Variants in SMYD2 observed in about 807,000 individuals in gnomAD.
SMYD2 encodes the protein N-lysine methyltransferase SMYD2.
Under a neutral mutation model 59.1 loss-of-function variants are expected in SMYD2, and 53 were observed. That is an observed-to-expected ratio of 0.90 (90% confidence interval 0.72 to 1.13). SMYD2 has a LOEUF of 1.13. Ranked by LOEUF, SMYD2 falls within the 50% of genes most tolerant of loss-of-function variation. The pLI is 0.00. For synonymous variants in SMYD2, 208 were observed against 198.8 expected, an observed-to-expected ratio of 1.05 and a Z score of -0.39; for missense variants, 494 against 544.7, an observed-to-expected ratio of 0.91 and a Z score of 0.93.
intron 7 of SMYD2, 21 bp downstream of exon 7, chr1:214,327,745 G>A (rs1182680954): frequency 1.9e-6 from 3 of 1,601,570 alleles, no homozygotes; most frequent in South Asian, 1.1e-5. Context: ...GGCTATGGGT[G>A]GCTGCAGCAG....
At chr1:214,319,130 G>T (rs1657131098) in intron 5 of SMYD2, 147 bp downstream of exon 5, 7 of 1,083,938 alleles carry the variant, frequency 6.5e-6, no homozygotes, top group Non-Finnish European at 9.2e-6. Flanking sequence ...ACCGTGTGTT[G>T]CCATAGCCTT....
chr1:214,305,818 A>T (rs1656907586), intron 2 of SMYD2, among the ~76,000 whole-genome samples: 1 of 152,160 alleles, frequency 6.6e-6, no homozygotes, highest in Non-Finnish European at 1.5e-5. Flanking sequence ...AAATGTAGGG[A>T]TGGGAAGGTT....
intron 6 of SMYD2, among the ~76,000 whole-genome samples, chr1:214,325,773 CT>C (rs59821609): frequency 0.11 from 12,620 of 118,572 alleles, 691 homozygotes; most frequent in Middle Eastern, 0.28. Context: ...AGGAAAGAAG[CT>C]TTTTTTTTTT....
intron 1 of SMYD2, among the ~76,000 whole-genome samples, chr1:214,295,205 A>G (rs1656703966): frequency 6.6e-6 from 1 of 152,232 alleles, no homozygotes; most frequent in African/African-American, 2.4e-5. Flanking sequence ...AAGACAGAGC[A>G]TTTCCAGAGG....
In SMYD2 at chr1:214,318,191, T is replaced by C. The variant is rs1183882150; in HGVS notation, c.409+52T>C. 2 of 1,564,670 alleles carry C rather than the reference T, an allele frequency of 1.3e-6. No homozygotes were observed. The highest frequency in any genetic ancestry group is 2.7e-5 in the African/African-American group (2 of 73,702). ...AGTTCTCTCAGCCACAGATTTCACA[T>C]GGGTTGGGCAGGATTGAAGCGAGGA... On this transcript the variant is annotated intron_variant, in intron 4 of 11. Transcript: ENST00000366957. The surrounding 1 kb of genome is among the most constrained non-coding windows in gnomAD (Gnocchi z 5.4).
chr1:214,310,502 A>AT (rs1558053098), intron 2 of SMYD2, among the ~76,000 whole-genome samples: 2 of 120,850 alleles, frequency 1.7e-5, no homozygotes, highest in South Asian at 2.7e-4. Flanking sequence ...GTATTTTATT[A>AT]ATTTTTTTTT....
intron 5 of SMYD2, among the ~76,000 whole-genome samples, chr1:214,319,415 T>TG (rs1657136171): frequency 6.6e-6 from 1 of 152,164 alleles, no homozygotes; most frequent in Non-Finnish European, 1.5e-5. Context: ...GGGCCCTTTG[T>TG]GATGGCCCGA....
intron 1 of SMYD2, among the ~76,000 whole-genome samples, chr1:214,290,875 G>T (rs1184100358): frequency 1.3e-5 from 2 of 152,098 alleles, no homozygotes; most frequent in Non-Finnish European, 2.9e-5. Flanking sequence ...TCATATTTTT[G>T]ATGAGATGGG....
rs1657056134 is a variant in SMYD2, at chr1:214,314,875, G to A, written c.348+3G>A. On this transcript the variant is annotated splice_donor_region_variant and intron_variant, in intron 3 of 11. Transcript: ENST00000366957. Reference sequence around the variant, plus strand: ...CAGCAAGGATTCTGGCCAAACAGGTGAGGAAATGGGACAATGTTCAAGTGC... The same window carrying A: ...CAGCAAGGATTCTGGCCAAACAGGTAAGGAAATGGGACAATGTTCAAGTGC... 6.2e-7 allele frequency: 1 copy of A among 1,602,622 alleles called. No homozygotes were observed. The highest frequency in any genetic ancestry group is 8.5e-7 in the Non-Finnish European group (1 of 1,169,970).
intron 1 of SMYD2, among the ~76,000 whole-genome samples, chr1:214,284,964 C>T (rs1417725351): frequency 3.3e-5 from 5 of 152,160 alleles, no homozygotes; most frequent in Non-Finnish European, 7.3e-5. Context: ...CTTTAGTTCT[C>T]TTGGCTCATG....
Position 214,331,014 on chromosome 1 carries a change from T to G in SMYD2, c.881T>G (p.Met294Arg), listed in dbSNP as rs201570286. 7 of 1,613,956 alleles carry G rather than the reference T, an allele frequency of 4.3e-6. No individual in the cohort carries two copies. Among genetic ancestry groups the G allele is most frequent in the Non-Finnish European group, 5.9e-6 (7 of 1,180,020 alleles). The change falls in exon 9 of 12, where the codon ATG becomes AGG. Residue 294 changes from methionine to arginine, a missense_variant. Physicochemically the swap from Met to Arg is moderately conservative, Grantham distance 91. Coordinates refer to ENST00000366957, the MANE Select transcript of SMYD2 (RefSeq NM_020197.3). Reference sequence around the variant, plus strand: ...CCAAAGGCAGAAGCCATCCGAGACATGGTCAGATATGCACGCAACGTCATT... The same window carrying G: ...CCAAAGGCAGAAGCCATCCGAGACAGGGTCAGATATGCACGCAACGTCATT... ...DPPKAEAIRDMVRYARNVIEE... is the reference protein window; with the variant it reads ...DPPKAEAIRDRVRYARNVIEE...
intron 11 of SMYD2, 37 bp downstream of exon 11, chr1:214,334,345 C>A: frequency 6.3e-7 from 1 of 1,577,272 alleles, no homozygotes; most frequent in Non-Finnish European, 8.7e-7. Context: ...TCCCAGTGGC[C>A]AGATGGCCTC....
intron 1 of SMYD2, among the ~76,000 whole-genome samples, chr1:214,300,250 G>A (rs578244954): frequency 1.3e-5 from 2 of 152,278 alleles, no homozygotes; most frequent in Non-Finnish European, 2.9e-5. Flanking sequence ...GAGGAGTGCG[G>A]TGTTCTCTCA....
intron 1 of SMYD2, among the ~76,000 whole-genome samples, chr1:214,297,598 C>T (rs1438966315): frequency 6.6e-6 from 1 of 152,178 alleles, no homozygotes; most frequent in African/African-American, 2.4e-5. Flanking sequence ...GTGCAGGTAC[C>T]AGCTCAGCAA....
chr1:214,286,488 G>T (rs1264384497), intron 1 of SMYD2, among the ~76,000 whole-genome samples: 1 of 151,718 alleles, frequency 6.6e-6, no homozygotes, highest in Non-Finnish European at 1.5e-5. Flanking sequence ...AAAAAAGTGT[G>T]GACTGGGCAT....
chr1:214,286,894 A>C (rs957923203), intron 1 of SMYD2, among the ~76,000 whole-genome samples: 1 of 141,270 alleles, frequency 7.1e-6, no homozygotes, highest in African/African-American at 2.7e-5. Flanking sequence ...TCTGTCACCC[A>C]GGCTAGAGTG....
At chr1:214,323,969 C>T (rs1167441341) in intron 5 of SMYD2, among the ~76,000 whole-genome samples, 1 of 152,160 alleles carries the variant, frequency 6.6e-6, no homozygotes, top group Admixed American at 6.5e-5. Flanking sequence ...CTGTTGTTGC[C>T]CAGGCTGGAG....
At chr1:214,321,633 A>G (rs1449550911) in intron 5 of SMYD2, among the ~76,000 whole-genome samples, 6 of 152,208 alleles carry the variant, frequency 3.9e-5, no homozygotes. Flanking sequence ...GCAGAAGGTG[A>G]CCACACATCT....
At chr1:214,306,121 G>T (rs151314116) in intron 2 of SMYD2, among the ~76,000 whole-genome samples, 1 of 152,170 alleles carries the variant, frequency 6.6e-6, no homozygotes, top group East Asian at 1.9e-4. Flanking sequence ...CTTGAGAAAT[G>T]GTGATGCTGT....
Sources: gnomAD v4.1 joint callset for allele counts (sites outside exome capture counted in the v4.1 genomes callset) on GRCh38, gnomAD v4.1.1 for gene constraint, Gnocchi (gnomAD v3.1) non-coding constraint, MANE v1.5 for transcripts, NCBI Gene and HGNC (gene_info 2026-07-23, HGNC 2026-07-21) for gene names.